The following GRM5 variants were observed in gnomAD, a reference collection of about 807,000 sequenced individuals.
GRM5 encodes the protein glutamate metabotropic receptor 5, also known as metabotropic glutamate receptor 5.
Under a neutral mutation model 83.1 loss-of-function variants are expected in GRM5, and 19 were observed. The observed-to-expected ratio is 0.23, with a 90% confidence interval of 0.16 to 0.34. The LOEUF (loss-of-function observed/expected upper bound fraction) is 0.34. GRM5 is among the 10% of genes least tolerant of loss of function. GRM5 has a pLI of 1.00. For synonymous variants in GRM5, 675 were observed against 633.6 expected, an observed-to-expected ratio of 1.07 and a Z score of -0.98; for missense variants, 1,160 against 1,588.3, an observed-to-expected ratio of 0.73 and a Z score of 4.58.
At chr11:88,689,146 T>TC (rs1336131285) in intron 3 of GRM5, among the ~76,000 whole-genome samples, 8 of 152,210 alleles carry the variant, frequency 5.3e-5, no homozygotes, top group African/African-American at 1.9e-4. Flanking sequence ...TTCAGTAGTT[T>TC]CCTTCCCATT....
At position 88,520,133 on chromosome 11, in the gene GRM5, A is replaced by T. The variant is rs189574327; in HGVS notation, c.2726+5176T>A. On this transcript the variant is annotated intron_variant, in intron 9 of 9. Coordinates refer to ENST00000305447, the MANE Select transcript of GRM5 (RefSeq NM_001143831.3). ...GAAGAAAAAAAATTATACCTTCTTT[A>T]TATGTTCTTGGGAGAACTTAATGCA... Among the ~76,000 whole-genome samples, 24 of 152,234 alleles carry T rather than the reference A, an allele frequency of 1.6e-4. No individual in the cohort carries two copies. The East Asian group carries it at 4.2e-3, about 27-fold the overall frequency.
chr11:88,926,862 T>A (rs1945798351), intron 2 of GRM5, among the ~76,000 whole-genome samples: 1 of 152,206 alleles, frequency 6.6e-6, no homozygotes, highest in African/African-American at 2.4e-5. Flanking sequence ...CAGCAAATAC[T>A]TGTTCAATGA....
intron 3 of GRM5, among the ~76,000 whole-genome samples, chr11:88,755,145 T>C (rs1472759078): frequency 2.0e-5 from 3 of 152,188 alleles, no homozygotes; most frequent in African/African-American, 4.8e-5. Context: ...AATGTGTATT[T>C]AGATGTTTCA....
chr11:88,912,466 T>C (rs908250293), intron 2 of GRM5, among the ~76,000 whole-genome samples: 8 of 150,462 alleles, frequency 5.3e-5, no homozygotes, highest in Non-Finnish European at 8.9e-5. Context: ...TTGCTCTCTC[T>C]TTCTCTGCAT....
At chr11:88,874,519 G>A (rs115849528) in intron 2 of GRM5, among the ~76,000 whole-genome samples, 3 of 151,918 alleles carry the variant, frequency 2.0e-5, no homozygotes, top group South Asian at 2.1e-4. Context: ...GCTTTATGAC[G>A]TGGATCTGAA....
At chr11:88,772,351 GCTTT>G (rs1326534122) in intron 3 of GRM5, among the ~76,000 whole-genome samples, 1 of 151,552 alleles carries the variant, frequency 6.6e-6, no homozygotes, top group Non-Finnish European at 1.5e-5. Context: ...TTGCAGACTT[GCTTT>G]ATTTCTTACA....
chr11:88,878,556 G>T (rs1477208176), intron 2 of GRM5, among the ~76,000 whole-genome samples: 1 of 152,176 alleles, frequency 6.6e-6, no homozygotes, highest in Non-Finnish European at 1.5e-5. Context: ...GCTGGCAACG[G>T]AGAAAGATAT....
chr11:89,000,322 T>G (rs1940335979), intron 2 of GRM5, among the ~76,000 whole-genome samples: 1 of 152,154 alleles, frequency 6.6e-6, no homozygotes, highest in Non-Finnish European at 1.5e-5. Flanking sequence ...AGTTTTATTA[T>G]ATAATTACAA....
rs1031405220 is a variant in GRM5, at chr11:88,522,619, G to C, written c.2726+2690C>G. Among the ~76,000 whole-genome samples, 536 of 150,282 alleles carry C rather than the reference G, an allele frequency of 3.6e-3. 5 individuals carry two copies. Among genetic ancestry groups the C allele is most frequent in the African/African-American group, 7.7e-3 (309 of 40,312 alleles). On this transcript the variant is annotated intron_variant, in intron 9 of 9. Coordinates refer to ENST00000305447, the MANE Select transcript of GRM5 (RefSeq NM_001143831.3). Reference sequence around the variant, plus strand: ...TCTCTCTCTCTGTGTGTGTGTGTGTGTGTGTGTGTGTGTGTGTGTGTGTGT... The same window carrying C: ...TCTCTCTCTCTGTGTGTGTGTGTGTCTGTGTGTGTGTGTGTGTGTGTGTGT...
At chr11:88,735,561 C>T (rs1332494528) in intron 3 of GRM5, among the ~76,000 whole-genome samples, 1 of 152,054 alleles carries the variant, frequency 6.6e-6, no homozygotes, top group East Asian at 1.9e-4. Flanking sequence ...TTCCCACTGA[C>T]TGGTAAACAG....
At position 88,637,335 on chromosome 11, in the gene GRM5, A is replaced by C. The variant is rs1474446472; in HGVS notation, c.1147+15833T>G. Among the ~76,000 whole-genome samples the C allele has an allele frequency of 2.6e-5, 4 of 151,422 alleles. No homozygotes were observed. In the South Asian group the frequency reaches 6.2e-4, roughly 24 times the overall value. ...TAATTAAACTAAAGAGCTTCTGCACAGCAAAAGAAACTACCATCAGAGTGA... is the reference window on the plus strand; with the variant it reads ...TAATTAAACTAAAGAGCTTCTGCACCGCAAAAGAAACTACCATCAGAGTGA... On this transcript the variant is annotated intron_variant, in intron 4 of 9. Coordinates refer to ENST00000305447, the MANE Select transcript of GRM5 (RefSeq NM_001143831.3).
intron 4 of GRM5, among the ~76,000 whole-genome samples, chr11:88,637,176 C>T (rs1469909275): frequency 2.0e-5 from 3 of 152,034 alleles, no homozygotes; most frequent in Non-Finnish European, 4.4e-5. Flanking sequence ...AAGACTTAAA[C>T]GTTAGACCTA....
At chr11:89,046,724 A>G (rs1288488330) in intron 2 of GRM5, among the ~76,000 whole-genome samples, 1 of 152,190 alleles carries the variant, frequency 6.6e-6, no homozygotes, top group Non-Finnish European at 1.5e-5. Context: ...TAGCTGTAAG[A>G]CCAAACTTTT....
intron 3 of GRM5, among the ~76,000 whole-genome samples, chr11:88,816,106 G>C (rs375015221): frequency 6.8e-6 from 1 of 146,282 alleles, no homozygotes; most frequent in Non-Finnish European, 1.5e-5. Context: ...CCAGCTACTC[G>C]GGAGGCTGAG....
chr11:88,513,028 C>A (rs1941421472), intron 9 of GRM5, among the ~76,000 whole-genome samples: 1 of 152,164 alleles, frequency 6.6e-6, no homozygotes, highest in African/African-American at 2.4e-5. Flanking sequence ...CCAAATTAAC[C>A]TTTTTCCTCA....
intron 2 of GRM5, among the ~76,000 whole-genome samples, chr11:88,963,723 A>G (rs936065121): frequency 1.3e-5 from 2 of 152,128 alleles, no homozygotes; most frequent in African/African-American, 4.8e-5. Context: ...GTGACCCTTT[A>G]TTCTATACAA....
chr11:88,944,848 G>A (rs1430531366), intron 2 of GRM5, among the ~76,000 whole-genome samples: 1 of 151,830 alleles, frequency 6.6e-6, no homozygotes, highest in Non-Finnish European at 1.5e-5. Context: ...AATACAGAAT[G>A]GAGTGCTAGC....
chr11:88,761,754 CAAGCAA>C (rs1282823453), intron 3 of GRM5, among the ~76,000 whole-genome samples: 1 of 151,824 alleles, frequency 6.6e-6, no homozygotes, highest in Non-Finnish European at 1.5e-5. Flanking sequence ...AAGACAATTC[CAAGCAA>C]AAGGAACAAA....
chr11:88,548,805 G>A (rs1019971076), intron 8 of GRM5, among the ~76,000 whole-genome samples: 3 of 152,138 alleles, frequency 2.0e-5, no homozygotes, highest in Non-Finnish European at 2.9e-5. Context: ...ATTGAGTGTT[G>A]ATTCACATTA....
Sources: allele counts gnomAD v4.1 joint callset (sites outside exome capture counted in the v4.1 genomes callset), GRCh38; gene constraint gnomAD v4.1.1; transcripts MANE v1.5; gene names NCBI Gene and HGNC (gene_info 2026-07-23, HGNC 2026-07-21).